CDH18: variants seen among roughly 807,000 people sequenced by gnomAD.
The protein encoded by CDH18 is cadherin 18, also known as cadherin-18.
Under a neutral mutation model 67.9 loss-of-function variants are expected in CDH18, and 31 were observed. That is an observed-to-expected ratio of 0.46 (90% CI 0.34 to 0.62). The LOEUF is 0.62. CDH18 is among the 20% of genes least tolerant of loss of function. The pLI, the probability that CDH18 is intolerant of heterozygous loss-of-function variation, is 0.01. For missense variants in CDH18, 890 were observed against 975.5 expected (o/e 0.91, Z 1.17); for synonymous variants, 362 against 347.2 (o/e 1.04, Z -0.48).
intron 1 of CDH18, among the ~76,000 whole-genome samples, chr5:20,354,864 T>A (rs1741480625): frequency 6.6e-6 from 1 of 152,118 alleles, no homozygotes; most frequent in Non-Finnish European, 1.5e-5. Context: ...AATATGAACA[T>A]AATTAACCAG....
chr5:20,012,444 T>C (rs1337988909), intron 2 of CDH18, among the ~76,000 whole-genome samples: 1 of 151,584 alleles, frequency 6.6e-6, no homozygotes, highest in Non-Finnish European at 1.5e-5. Flanking sequence ...TCTGTCTCCT[T>C]CAGTTCAGTA....
chr5:20,313,735 C>CTG (rs1204518548), intron 1 of CDH18, among the ~76,000 whole-genome samples: 1 of 151,840 alleles, frequency 6.6e-6, no homozygotes, highest in Non-Finnish European at 1.5e-5. Context: ...TTCTATTTCT[C>CTG]TGTGTGTGTG....
intron 3 of CDH18, 30 bp from the exon 4 acceptor site, chr5:19,747,266 T>A: frequency 6.4e-7 from 1 of 1,555,640 alleles, no homozygotes; most frequent in Non-Finnish European, 8.8e-7. Context: ...TAATTTAGCA[T>A]ATATTTATAT....
At chr5:19,626,052 A>G (rs1229697592) in intron 5 of CDH18, among the ~76,000 whole-genome samples, 1 of 152,174 alleles carries the variant, frequency 6.6e-6, no homozygotes, top group African/African-American at 2.4e-5. Context: ...ACACCACAGC[A>G]TGTCACTTTA....
intron 2 of CDH18, among the ~76,000 whole-genome samples, chr5:20,044,087 T>C (rs1740692668): frequency 6.6e-6 from 1 of 152,182 alleles, no homozygotes; most frequent in South Asian, 2.1e-4. Flanking sequence ...AGTATATTAG[T>C]AAATACATAT....
At chr5:20,303,261 A>G (rs1428754740) in intron 1 of CDH18, among the ~76,000 whole-genome samples, 1 of 152,102 alleles carries the variant, frequency 6.6e-6, no homozygotes, top group Non-Finnish European at 1.5e-5. Context: ...TTCACTCTCC[A>G]TGGTGTATAT....
At chr5:20,087,350 C>G (rs1028050574) in intron 2 of CDH18, among the ~76,000 whole-genome samples, 1 of 151,926 alleles carries the variant, frequency 6.6e-6, no homozygotes, top group South Asian at 2.1e-4. Flanking sequence ...AAAGACTTAC[C>G]ATATTATATA....
intron 1 of CDH18, among the ~76,000 whole-genome samples, chr5:20,420,491 T>C (rs1227516975): frequency 6.6e-6 from 1 of 151,250 alleles, no homozygotes; most frequent in African/African-American, 2.5e-5. Flanking sequence ...CTTTTGCTTA[T>C]TCCCTCAGGA....
At chr5:19,680,814 G>A (rs1316965912) in intron 5 of CDH18, among the ~76,000 whole-genome samples, 1 of 151,924 alleles carries the variant, frequency 6.6e-6, no homozygotes, top group Non-Finnish European at 1.5e-5. Flanking sequence ...ACTGCTGCTG[G>A]GAATGTGAAT....
At chr5:20,458,416 G>A (rs1348492620) in intron 1 of CDH18, among the ~76,000 whole-genome samples, 1 of 152,122 alleles carries the variant, frequency 6.6e-6, no homozygotes, top group Admixed American at 6.5e-5. Context: ...CTGGTAGTTC[G>A]AGACCAGCCT....
chr5:19,729,575 G>A (rs1767318775), intron 4 of CDH18, among the ~76,000 whole-genome samples: 1 of 152,192 alleles, frequency 6.6e-6, no homozygotes, highest in Non-Finnish European at 1.5e-5. Context: ...GGCAGAAGAA[G>A]CTTTCTATCA....
At chr5:19,699,583 C>T (rs1183238827) in intron 5 of CDH18, among the ~76,000 whole-genome samples, 1 of 151,152 alleles carries the variant, frequency 6.6e-6, no homozygotes, top group Non-Finnish European at 1.5e-5. Context: ...GATGAAGACA[C>T]ATGAGAGAGA....
rs1412410101 is a variant in CDH18 at position 19,937,506 on chromosome 5, T to C, written c.-257+43554A>G. Among the ~76,000 whole-genome samples the C allele has an allele frequency of 2.0e-5, 3 of 151,470 alleles. No homozygotes were observed. In the Admixed American group the frequency reaches 2.0e-4, roughly 10 times the overall value. ...TAAACAGACATTACAATGGAATTTT[T>C]CAATTAGTTTTGATTGCAAATATGT... On this transcript the variant is annotated intron_variant, in intron 2 of 12. Coordinates refer to ENST00000382275, the MANE Select transcript of CDH18 (RefSeq NM_004934.5).
intron 2 of CDH18, among the ~76,000 whole-genome samples, chr5:20,044,351 G>GT (rs576054062): frequency 1.3e-3 from 203 of 152,088 alleles, no homozygotes; most frequent in African/African-American, 4.8e-3. Context: ...GTTGGAGAAG[G>GT]TTTTTTATTA....
intron 7 of CDH18, among the ~76,000 whole-genome samples, chr5:19,574,231 C>T (rs1741926476): frequency 6.6e-6 from 1 of 152,122 alleles, no homozygotes; most frequent in South Asian, 2.1e-4. Context: ...ACTAACCTAC[C>T]TACTGCTACG....
chr5:19,850,385 A>G (rs979496920), intron 2 of CDH18, among the ~76,000 whole-genome samples: 1 of 151,880 alleles, frequency 6.6e-6, no homozygotes, highest in Non-Finnish European at 1.5e-5. Context: ...ATTACAATCA[A>G]CTACAAATAA....
intron 2 of CDH18, among the ~76,000 whole-genome samples, chr5:19,888,657 G>C (rs557106957): frequency 9.3e-4 from 142 of 152,088 alleles, no homozygotes; most frequent in African/African-American, 3.3e-3. Context: ...TTGATCTGTA[G>C]AATCTGTGCA....
intron 1 of CDH18, among the ~76,000 whole-genome samples, chr5:20,280,250 G>A (rs1361164182): frequency 6.6e-6 from 1 of 151,164 alleles, no homozygotes; most frequent in East Asian, 1.9e-4. Context: ...GGGTACATGT[G>A]CACAATGTGC....
At chr5:20,143,763 T>C (rs780875100) in intron 2 of CDH18, among the ~76,000 whole-genome samples, 3 of 152,162 alleles carry the variant, frequency 2.0e-5, no homozygotes, top group African/African-American at 2.4e-5. Context: ...CATTGAAAGA[T>C]CAATTGCTAA....
Sources: gnomAD v4.1 joint callset for allele counts (sites outside exome capture counted in the v4.1 genomes callset) on GRCh38, gnomAD v4.1.1 for gene constraint, MANE v1.5 for transcripts, NCBI Gene and HGNC (gene_info 2026-07-23, HGNC 2026-07-21) for gene names.